The following CAMK1D variants were observed in gnomAD, a reference collection of about 807,000 sequenced individuals.
CAMK1D encodes calcium/calmodulin dependent protein kinase ID.
Under a neutral mutation model 47.7 loss-of-function variants are expected in CAMK1D, and 9 were observed. The ratio of observed to expected loss-of-function variants is 0.19; its 90% CI spans 0.11 to 0.33. The LOEUF (loss-of-function observed/expected upper bound fraction) is 0.33. Ranked by LOEUF, CAMK1D falls within the 10% of genes least tolerant of loss-of-function variation. The pLI is 1.00. For synonymous variants in CAMK1D, 184 were observed against 184.9 expected (o/e 0.99, Z 0.04); for missense variants, 291 against 488.7 (o/e 0.60, Z 3.81).
At chr10:12,804,937 C>CAAAAAAAAAAAAAAAA (rs145584740) in intron 6 of CAMK1D, among the ~76,000 whole-genome samples, 4 of 51,050 alleles carry the variant, frequency 7.8e-5, no homozygotes, top group African/African-American at 8.3e-5. Context: ...GACCCTGTCT[C>CAAAAAAAAAAAAAAAA]AAAAAAAAAA....
intron 1 of CAMK1D, among the ~76,000 whole-genome samples, chr10:12,420,561 T>G (rs2131965237): frequency 6.6e-6 from 1 of 152,188 alleles, no homozygotes; most frequent in Non-Finnish European, 1.5e-5. Context: ...TCAAATATAC[T>G]CTTTTTTTTT....
intron 1 of CAMK1D, among the ~76,000 whole-genome samples, chr10:12,385,646 T>C (rs1434844613): frequency 1.3e-5 from 2 of 152,012 alleles, no homozygotes; most frequent in Non-Finnish European, 2.9e-5. Context: ...AAAGGTACAG[T>C]GTTTCTTGGG....
chr10:12,688,961 G>C (rs1832765045), intron 3 of CAMK1D, among the ~76,000 whole-genome samples: 1 of 152,252 alleles, frequency 6.6e-6, no homozygotes, highest in African/African-American at 2.4e-5. Context: ...GGGATTATAG[G>C]CGTGAGCCAC....
chr10:12,350,728 G>A (rs866718456), intron 1 of CAMK1D, among the ~76,000 whole-genome samples: 10 of 152,212 alleles, frequency 6.6e-5, no homozygotes, highest in South Asian at 2.1e-4. Context: ...GTTTTGTTTC[G>A]GAGCGGCTCA....
chr10:12,685,423 A>G (rs1169571595), intron 3 of CAMK1D, among the ~76,000 whole-genome samples: 4 of 152,224 alleles, frequency 2.6e-5, no homozygotes, highest in East Asian at 1.9e-4. Context: ...GAGTTTCTGC[A>G]TCTTTTACAA....
At chr10:12,351,087 C>T (rs1837342018) in intron 1 of CAMK1D, among the ~76,000 whole-genome samples, 1 of 152,088 alleles carries the variant, frequency 6.6e-6, no homozygotes, top group African/African-American at 2.4e-5. Context: ...TCGGCGTCTG[C>T]TGCTGTTCAG....
intron 2 of CAMK1D, among the ~76,000 whole-genome samples, chr10:12,570,603 C>G (rs1422538267): frequency 6.6e-6 from 1 of 151,036 alleles, no homozygotes; most frequent in Non-Finnish European, 1.5e-5. Flanking sequence ...TCGCTTGAAC[C>G]CAGGAGGCAG....
At chr10:12,361,617 G>A (rs909606469) in intron 1 of CAMK1D, among the ~76,000 whole-genome samples, 6 of 135,386 alleles carry the variant, frequency 4.4e-5, no homozygotes, top group Non-Finnish European at 7.6e-5. Context: ...GTGCAGTGGC[G>A]TAATCTCTGC....
intron 1 of CAMK1D, among the ~76,000 whole-genome samples, chr10:12,427,943 TG>T (rs2131983246): frequency 6.6e-6 from 1 of 151,872 alleles, no homozygotes; most frequent in South Asian, 2.1e-4. Flanking sequence ...CCTGACCTTG[TG>T]ATCCTCCCAC....
intron 4 of CAMK1D, among the ~76,000 whole-genome samples, chr10:12,767,956 T>A (rs1195308014): frequency 1.3e-5 from 2 of 152,164 alleles, no homozygotes; most frequent in Admixed American, 6.5e-5. Flanking sequence ...CACTGCAACC[T>A]CCGCCTCCTG....
intron 3 of CAMK1D, among the ~76,000 whole-genome samples, chr10:12,673,233 GT>G (rs62759162): frequency 0.43 from 65,190 of 151,904 alleles, 14,675 homozygotes; most frequent in Non-Finnish European, 0.48. Context: ...CGTTGAATCT[GT>G]TTACCAATTT....
At chr10:12,627,950 G>A (rs571204604) in intron 2 of CAMK1D, among the ~76,000 whole-genome samples, 16 of 151,986 alleles carry the variant, frequency 1.1e-4, no homozygotes, top group African/African-American at 2.2e-4. Flanking sequence ...GCGTGGTGGC[G>A]CACACCTGTA....
intron 3 of CAMK1D, among the ~76,000 whole-genome samples, chr10:12,710,901 G>T (rs1477455479): frequency 2.6e-5 from 4 of 151,968 alleles, no homozygotes; most frequent in Admixed American, 1.3e-4. Context: ...TTTGACATTT[G>T]ATCAATCACT....
chr10:12,508,979 C>T (rs887623937), intron 1 of CAMK1D, among the ~76,000 whole-genome samples: 2 of 152,192 alleles, frequency 1.3e-5, no homozygotes, highest in African/African-American at 2.4e-5. Context: ...GATGGAACCC[C>T]GCTGGGAAGG....
At chr10:12,808,633 C>T (rs899887511) in intron 6 of CAMK1D, among the ~76,000 whole-genome samples, 4 of 151,484 alleles carry the variant, frequency 2.6e-5, no homozygotes, top group Non-Finnish European at 4.4e-5. Flanking sequence ...CAAAAAATGC[C>T]GGGTGTAGTG....
rs377346781 is a variant in CAMK1D at position 12,632,799 on chromosome 10, A to T, written c.225-33937A>T. On this transcript the variant is annotated intron_variant, in intron 2 of 10. Coordinates refer to ENST00000619168, the MANE Select transcript of CAMK1D (RefSeq NM_153498.4). ...AACCTCCAACTCCCTGGTTCAAACG[A>T]TTCTCTTGCGTCAGCCTCCCGAGTT... 1.5e-4 allele frequency among the ~76,000 whole-genome samples: 23 copies of T among 152,086 alleles called. 1 individual carries two copies. The highest frequency in any genetic ancestry group is 7.8e-4 in the Admixed American group (12 of 15,288).
chr10:12,396,401 C>T (rs950727470), intron 1 of CAMK1D, among the ~76,000 whole-genome samples: 18 of 152,316 alleles, frequency 1.2e-4, no homozygotes, highest in African/African-American at 4.3e-4. Context: ...GGGGTTTTCT[C>T]CCTCTCAGGG....
rs113153570 is a variant in CAMK1D, at chr10:12,420,028, C to A, written c.92+70118C>A. Among the ~76,000 whole-genome samples, 532 of 151,752 alleles carry A rather than the reference C, an allele frequency of 3.5e-3. 6 individuals are homozygous for A. Among genetic ancestry groups the A allele is most frequent in the African/African-American group, 0.012 (479 of 41,356 alleles). Reference sequence around the variant, plus strand: ...AGGCTGAAGCACAGTGTCGAGCTCTCGGCTCACTGCAAGCTCCGCCTCCCG... The same window carrying A: ...AGGCTGAAGCACAGTGTCGAGCTCTAGGCTCACTGCAAGCTCCGCCTCCCG... On this transcript the variant is annotated intron_variant, in intron 1 of 10. Coordinates refer to ENST00000619168, the MANE Select transcript of CAMK1D (RefSeq NM_153498.4).
chr10:12,600,239 T>C (rs1005249002), intron 2 of CAMK1D, among the ~76,000 whole-genome samples: 4 of 152,236 alleles, frequency 2.6e-5, no homozygotes, highest in Non-Finnish European at 5.9e-5. Flanking sequence ...AGTTCCCCGC[T>C]TCTTACATGG....
Sources: gnomAD v4.1 joint callset for allele counts (sites outside exome capture counted in the v4.1 genomes callset) on GRCh38, gnomAD v4.1.1 for gene constraint, MANE v1.5 for transcripts, NCBI Gene and HGNC (gene_info 2026-07-23, HGNC 2026-07-21) for gene names.